The following NDC1 variants were observed in gnomAD, a reference collection of about 807,000 sequenced individuals.
NDC1 encodes the protein NDC1 transmembrane nucleoporin, also known as nucleoporin NDC1.
In NDC1, 24 loss-of-function variants were observed where a neutral mutation model predicts 89.8. The observed-to-expected ratio is 0.27, with a 90% confidence interval of 0.19 to 0.38. NDC1 has a LOEUF of 0.38. Among genes scored for constraint, NDC1 ranks in the 10% least tolerant of loss-of-function variants. The pLI, the probability that NDC1 is intolerant of heterozygous loss-of-function variation, is 1.00. For synonymous variants in NDC1, 296 were observed against 284.8 expected, an observed-to-expected ratio of 1.04 and a Z score of -0.39; for missense variants, 728 against 797.6, an observed-to-expected ratio of 0.91 and a Z score of 1.05.
chr1:53,817,858 T>C (rs962576873), intron 6 of NDC1, among the ~76,000 whole-genome samples: 1 of 152,200 alleles, frequency 6.6e-6, no homozygotes, highest in Non-Finnish European at 1.5e-5. Context: ...AGGTAGGATT[T>C]TGTTTAAATT....
intron 5 of NDC1, among the ~76,000 whole-genome samples, chr1:53,823,809 T>G (rs992458609): frequency 2.0e-5 from 3 of 152,216 alleles, no homozygotes; most frequent in Admixed American, 6.5e-5. Flanking sequence ...GACTTTTTTT[T>G]CATACACTCA....
chr1:53,802,221 T>C (rs1647944918), intron 10 of NDC1, among the ~76,000 whole-genome samples: 1 of 152,192 alleles, frequency 6.6e-6, no homozygotes, highest in South Asian at 2.1e-4. Context: ...GGGTTTCTCA[T>C]GTTACTAAAA....
Position 53,767,155 on chromosome 1 carries a change from T to C in NDC1, c.*815A>G, listed in dbSNP as rs2100610334. ...GGGTTTTTTTGCAAACCTTTTTCTC[T>C]TGCTTGAAAAACTCTGCAATCACTT... On this transcript the variant is annotated 3_prime_UTR_variant, in exon 18 of 18. Coordinates refer to ENST00000371429, the MANE Select transcript of NDC1 (RefSeq NM_018087.5). The C allele has an allele frequency of 6.6e-6, 1 of 152,328 alleles. No homozygotes were observed. Among genetic ancestry groups the C allele is most frequent in the East Asian group, 1.9e-4 (1 of 5,184 alleles). 9.4% of individuals were successfully genotyped at this position (152,328 alleles called of 1,614,324 possible).
rs185049959 is a variant in NDC1 at position 53,773,460 on chromosome 1, C to T, written c.1801-971G>A. Among the ~76,000 whole-genome samples the T allele has an allele frequency of 4.0e-3, 603 of 152,140 alleles. 1 individual carries two copies. Among genetic ancestry groups the T allele is most frequent in the Middle Eastern group, 0.01 (3 of 294 alleles). ...CAGCTTTTTTGTTTTTTAGTTTCTT[C>T]CAAGCTGATTTTCCCCCTTTGCTCC... On this transcript the variant is annotated intron_variant, in intron 16 of 17. Transcript: ENST00000371429.
chr1:53,777,842 T>C (rs1647175070), intron 16 of NDC1, among the ~76,000 whole-genome samples: 1 of 152,058 alleles, frequency 6.6e-6, no homozygotes, highest in African/African-American at 2.4e-5. Flanking sequence ...AGCCCCCAAG[T>C]AGACGGGACT....
chr1:53,810,425 A>C (rs1029440709), intron 6 of NDC1, among the ~76,000 whole-genome samples: 19 of 123,968 alleles, frequency 1.5e-4, no homozygotes, highest in East Asian at 4.1e-4. Flanking sequence ...AGAAACTGGC[A>C]AAAAAAAAAA....
intron 16 of NDC1, among the ~76,000 whole-genome samples, chr1:53,779,586 C>T (rs1647188003): frequency 6.6e-6 from 1 of 152,128 alleles, no homozygotes; most frequent in Admixed American, 6.6e-5. Flanking sequence ...CTCTGCCAAG[C>T]TCTCCCAAAG....
chr1:53,800,848 C>T lies in NDC1; in HGVS notation c.1067G>A (p.Gly356Asp). ...RQEVFSLSQPGGHPHNWTAIS... is the reference protein window; with the variant it reads ...RQEVFSLSQPDGHPHNWTAIS... ...GGCTGTCCAATTGTGGGGATGTCCA[C>T]CTAGGAGGTCCAAACACCAGCTTTT... is the stretch of plus-strand genomic sequence containing the variant. The change falls in exon 11 of 18, where the codon GGT (glycine) becomes GAT (aspartate). Residue 356 changes from glycine (G) to aspartate (D), a missense_variant and splice_region_variant. By Grantham distance (94) the Gly-to-Asp change is moderately conservative (BLOSUM62 -1). Coordinates refer to ENST00000371429, the MANE Select transcript of NDC1 (RefSeq NM_018087.5). The T allele has an allele frequency of 6.3e-7, 1 of 1,578,346 alleles. No homozygotes were observed. Among genetic ancestry groups the T allele is most frequent in the South Asian group, 1.2e-5 (1 of 85,494 alleles).
At chr1:53,803,716 C>T (rs545040720) in intron 10 of NDC1, among the ~76,000 whole-genome samples, 11 of 152,094 alleles carry the variant, frequency 7.2e-5, no homozygotes, top group Non-Finnish European at 1.2e-4. Flanking sequence ...GGACTACAGG[C>T]GCCCGCCACC....
chr1:53,826,794 A>C (rs762826235), intron 4 of NDC1, among the ~76,000 whole-genome samples: 4 of 152,200 alleles, frequency 2.6e-5, no homozygotes, highest in Non-Finnish European at 4.4e-5. Flanking sequence ...ATCTAACTCC[A>C]TGAGAGGTAA....
intron 6 of NDC1, among the ~76,000 whole-genome samples, chr1:53,816,982 C>G (rs1648503683): frequency 6.6e-6 from 1 of 152,038 alleles, no homozygotes; most frequent in African/African-American, 2.4e-5. Flanking sequence ...ATCAAAAAAT[C>G]AAAAAACAGT....
chr1:53,782,474 A>G (rs1271800632), intron 16 of NDC1, among the ~76,000 whole-genome samples: 1 of 152,210 alleles, frequency 6.6e-6, no homozygotes, highest in African/African-American at 2.4e-5. Context: ...CAAGGTCTAA[A>G]CTGGACACAG....
chr1:53,826,724 T>C (rs1048424587), intron 4 of NDC1, among the ~76,000 whole-genome samples: 3 of 152,154 alleles, frequency 2.0e-5, no homozygotes, highest in African/African-American at 7.2e-5. Flanking sequence ...AGAGCCAACA[T>C]CAAAATTCAG....
intron 3 of NDC1, among the ~76,000 whole-genome samples, chr1:53,831,812 A>C (rs1315292766): frequency 6.6e-6 from 1 of 152,166 alleles, no homozygotes; most frequent in Non-Finnish European, 1.5e-5. Context: ...AGGCAGAAAG[A>C]ATATGAAGAG....
At chr1:53,804,461 G>A (rs1648035435) in intron 9 of NDC1, among the ~76,000 whole-genome samples, 1 of 152,114 alleles carries the variant, frequency 6.6e-6, no homozygotes, top group Admixed American at 6.6e-5. Flanking sequence ...GCAGTGCCTA[G>A]CACGTGATAC....
chr1:53,799,500 T>C (rs750031725), intron 11 of NDC1, among the ~76,000 whole-genome samples: 11 of 152,352 alleles, frequency 7.2e-5, no homozygotes, highest in East Asian at 1.9e-4. Context: ...AGAGTACTGA[T>C]TTTGAAACTA....
chr1:53,811,064 C>T (rs1461573247), intron 6 of NDC1, among the ~76,000 whole-genome samples: 2 of 152,134 alleles, frequency 1.3e-5, no homozygotes, highest in African/African-American at 2.4e-5. Flanking sequence ...TGGAGCTGAA[C>T]CAGTTTAGAG....
At chr1:53,796,365 C>G (rs559844797) in intron 13 of NDC1, among the ~76,000 whole-genome samples, 38 of 152,252 alleles carry the variant, frequency 2.5e-4, no homozygotes, top group African/African-American at 9.1e-4. Context: ...CATTTGCTTA[C>G]TCACTGATTT....
intron 14 of NDC1, among the ~76,000 whole-genome samples, chr1:53,790,525 G>A (rs1404877700): frequency 2.6e-5 from 4 of 151,804 alleles, no homozygotes; most frequent in African/African-American, 7.3e-5. Flanking sequence ...TGGTCAACGT[G>A]GTAAAACTCC....
Sources: allele counts gnomAD v4.1 joint callset (sites outside exome capture counted in the v4.1 genomes callset), GRCh38; gene constraint gnomAD v4.1.1; transcripts MANE v1.5; gene names NCBI Gene and HGNC (gene_info 2026-07-23, HGNC 2026-07-21).